Variants in PRPF40B observed in about 807,000 individuals in gnomAD.
The protein encoded by PRPF40B is pre-mRNA processing factor 40B.
A neutral mutation model predicts 124.5 loss-of-function variants in PRPF40B; 56 were observed. The ratio of observed to expected loss-of-function variants is 0.45; its 90% CI spans 0.36 to 0.56. The LOEUF (loss-of-function observed/expected upper bound fraction) is 0.56. PRPF40B is among the 20% of genes least tolerant of loss of function. The pLI, the probability that PRPF40B is intolerant of heterozygous loss-of-function variation, is 0.00. For synonymous variants in PRPF40B, 443 were observed against 426.4 expected (o/e 1.04, Z -0.48); for missense variants, 1,053 against 1,169.5 (o/e 0.90, Z 1.45).
rs1565856813 is a variant in PRPF40B at position 49,643,918 on chromosome 12, A to C, written c.2500A>C (p.Lys834Gln). Residue 834 changes from lysine to glutamine, a missense_variant, in exon 25 of 26, where the codon AAA becomes CAA. This residue lies in a region of PRPF40B where 895 missense variants were observed against 1,052.2 expected (regional missense o/e 0.85). Coordinates refer to ENST00000548825, the MANE Select transcript of PRPF40B (RefSeq NM_001031698.3). ...GAAAGCTGGCAAGGAGAGCGATGAG[A>C]AAGAACAAGAACAGGACAAGGACAG... ...EEKAGKESDE[K>Q]EQEQDKDREL... The C allele has an allele frequency of 6.2e-7, 1 of 1,614,218 alleles. No homozygotes were observed. The highest frequency in any genetic ancestry group is 1.1e-5 in the South Asian group (1 of 91,084).
chr12:49,637,034 C>A, intron 16 of PRPF40B, 185 bp downstream of exon 16: 1 of 897,490 alleles, frequency 1.1e-6, no homozygotes, highest in African/African-American at 1.7e-5. Context: ...CTGGACTGTG[C>A]TCTTCTAGGG....
chr12:49,628,542 A>G (rs1451882460), intron 1 of PRPF40B, among the ~76,000 whole-genome samples: 2 of 148,308 alleles, frequency 1.3e-5, no homozygotes, highest in Non-Finnish European at 3.0e-5. Flanking sequence ...GGCGTGAACC[A>G]CCGCACCAGG....
intron 5 of PRPF40B, 109 bp from the exon 6 acceptor site, chr12:49,632,746 T>C: frequency 1.3e-6 from 2 of 1,597,134 alleles, no homozygotes; most frequent in Non-Finnish European, 1.7e-6. Flanking sequence ...TCTGGGATAT[T>C]GATGGGACCA....
Position 49,635,323 on chromosome 12 carries a change from T to C in PRPF40B, c.1167-42T>C, listed in dbSNP as rs772661061. On this transcript the variant is annotated intron_variant, in intron 13 of 25. Coordinates refer to ENST00000548825, the MANE Select transcript of PRPF40B (RefSeq NM_001031698.3). This position sits in a 1 kb window ranked among gnomAD's most constrained non-coding sequence, Gnocchi z 4.1. ...CCTGAGAACACAAAGGTCCAGGGTC[T>C]CTGTTCTCTGTCTACCTACTCACAG... is the stretch of plus-strand genomic sequence containing the variant. 1 of 1,608,816 alleles carries C rather than the reference T, an allele frequency of 6.2e-7. No homozygotes were observed. The highest frequency in any genetic ancestry group is 1.3e-5 in the African/African-American group (1 of 74,798).
intron 22 of PRPF40B, 63 bp downstream of exon 22, chr12:49,643,079 T>G: frequency 6.3e-7 from 1 of 1,596,844 alleles, no homozygotes; most frequent in Non-Finnish European, 8.6e-7. Flanking sequence ...ATAAACACTT[T>G]GTTTTCCCCT....
Position 49,636,034 on chromosome 12 carries a change from C to G in PRPF40B, c.1426+41C>G. 1.9e-6 allele frequency: 3 copies of G among 1,609,270 alleles called. No homozygotes were observed. The South Asian group carries it at 3.3e-5, about 18-fold the overall frequency. On this transcript the variant is annotated intron_variant, in intron 15 of 25. Transcript: ENST00000548825. ...CAATCCCAGCTATCCCTTTCCCTTTCTTTACTGGACCTGGGACCCCAGAGT... is the reference window on the plus strand; with the variant it reads ...CAATCCCAGCTATCCCTTTCCCTTTGTTTACTGGACCTGGGACCCCAGAGT...
chr12:49,643,489 C>T, intron 23 of PRPF40B, 92 bp downstream of exon 23: 1 of 1,476,274 alleles, frequency 6.8e-7, no homozygotes, highest in Non-Finnish European at 9.1e-7. Context: ...TGAGGGTAGA[C>T]TGGATTGGGA....
chr12:49,634,297 G>C, intron 10 of PRPF40B, 35 bp from the exon 11 acceptor site: 1 of 1,613,838 alleles, frequency 6.2e-7, no homozygotes, highest in Non-Finnish European at 8.5e-7. Flanking sequence ...GTGAGAGCTG[G>C]GGGACCCTGT....
Position 49,642,736 on chromosome 12 carries a change from C to A in PRPF40B, c.2118+61C>A. ...CCTTGAACTCATTAGACCAGTTCAA[C>A]AGAGACCTCAGTGGCCTCCCTCTTA... On this transcript the variant is annotated intron_variant, in intron 21 of 25. Transcript: ENST00000548825. The surrounding 1 kb of genome is among the most constrained non-coding windows in gnomAD (Gnocchi z 5.8). The A allele has an allele frequency of 2.6e-6, 4 of 1,541,760 alleles. No individual in the cohort carries two copies. The highest frequency in any genetic ancestry group is 3.5e-6 in the Non-Finnish European group (4 of 1,130,210).
At chr12:49,626,272 C>T (rs985369223) in intron 1 of PRPF40B, among the ~76,000 whole-genome samples, 1 of 152,188 alleles carries the variant, frequency 6.6e-6, no homozygotes, top group Non-Finnish European at 1.5e-5. Flanking sequence ...TATCACAGCA[C>T]TTTGTGTGCA....
intron 9 of PRPF40B, 30 bp from the exon 10 acceptor site, chr12:49,633,856 C>G: frequency 6.2e-7 from 1 of 1,613,050 alleles, no homozygotes; most frequent in Non-Finnish European, 8.5e-7. Flanking sequence ...TGCTCTCCTC[C>G]TGGACACCGC....
chr12:49,643,567 C>T (rs1942951899), intron 23 of PRPF40B, 124 bp from the exon 24 acceptor site: 5 of 1,371,396 alleles, frequency 3.6e-6, no homozygotes, highest in Non-Finnish European at 4.9e-6. Flanking sequence ...AGAAGGAAAA[C>T]TGGACTTAGA....
rs1941665548 is a variant in PRPF40B at position 49,635,331 on chromosome 12, C to CT, written c.1167-33dup. On this transcript the variant is annotated intron_variant, in intron 13 of 25. Transcript: ENST00000548825. The surrounding 1 kb of genome is among the most constrained non-coding windows in gnomAD (Gnocchi z 4.1). ...CACAAAGGTCCAGGGTCTCTGTTCT[C>CT]TGTCTACCTACTCACAGCTTATATG... 6.2e-7 allele frequency: 1 copy of CT among 1,609,426 alleles called. No individual in the cohort carries two copies. Among genetic ancestry groups the CT allele is most frequent in the Non-Finnish European group, 8.5e-7 (1 of 1,177,796 alleles).
intron 12 of PRPF40B, 30 bp downstream of exon 12, chr12:49,634,632 G>A: frequency 6.2e-7 from 1 of 1,613,600 alleles, no homozygotes. Flanking sequence ...GCCAGGCCCT[G>A]TTCATGAGAG....
intron 16 of PRPF40B, 151 bp downstream of exon 16, chr12:49,637,000 TG>T: frequency 8.7e-7 from 1 of 1,145,610 alleles, no homozygotes. Context: ...GCCTGCAGTC[TG>T]TTTCTGCTGT....
chr12:49,634,978 C>T, intron 12 of PRPF40B, 121 bp from the exon 13 acceptor site: 1 of 1,057,266 alleles, frequency 9.5e-7, no homozygotes, highest in Non-Finnish European at 1.3e-6. Flanking sequence ...GTTCAGATCC[C>T]AGACATCTGT....
At position 49,635,301 on chromosome 12, in the gene PRPF40B, G is replaced by A; in HGVS notation, c.1166+38G>A. 1 of 1,609,662 alleles carries A rather than the reference G, an allele frequency of 6.2e-7. No homozygotes were observed. Among genetic ancestry groups the A allele is most frequent in the Non-Finnish European group, 8.5e-7 (1 of 1,177,758 alleles). On this transcript the variant is annotated intron_variant, in intron 13 of 25. Transcript: ENST00000548825. The surrounding 1 kb of genome is among the most constrained non-coding windows in gnomAD (Gnocchi z 4.1). ...GGCTGGGCTGGGACTTGGGAACCCTGAGAACACAAAGGTCCAGGGTCTCTG... is the reference window on the plus strand; with the variant it reads ...GGCTGGGCTGGGACTTGGGAACCCTAAGAACACAAAGGTCCAGGGTCTCTG...
At position 49,643,370 on chromosome 12, in the gene PRPF40B, T is replaced by A. The variant is rs1430885467; in HGVS notation, c.2353T>A (p.Ser785Thr). Reference sequence around the variant, plus strand: ...GGGTGCTGCCCTTGGAGGACGGGGCTCCCCTTCCTCCCATCTTCTTGGAGC... The same window carrying A: ...GGGTGCTGCCCTTGGAGGACGGGGCACCCCTTCCTCCCATCTTCTTGGAGC... ...SGGAALGGRGSPSSHLLGADH... is the reference protein window; with the variant it reads ...SGGAALGGRGTPSSHLLGADH... The change falls in exon 23 of 26, where the codon TCC becomes ACC. Residue 785 changes from serine to threonine, a missense_variant. This residue lies in a region of PRPF40B where 895 missense variants were observed against 1,052.2 expected (regional missense o/e 0.85). Transcript: ENST00000548825. 2 of 1,572,788 alleles carry A rather than the reference T, an allele frequency of 1.3e-6. No homozygotes were observed.
Position 49,627,092 on chromosome 12 carries a change from T to A in PRPF40B, c.4-3453T>A, listed in dbSNP as rs188533723. 3.3e-5 allele frequency among the ~76,000 whole-genome samples: 5 copies of A among 152,298 alleles called. No homozygotes were observed. In the East Asian group the frequency reaches 9.6e-4, roughly 29 times the overall value. ...CCTAGTTTGTACCCATAGATGGTGG[T>A]AAGGAAAACACAATGGGAACTGGAT... On this transcript the variant is annotated intron_variant, in intron 1 of 25. Coordinates refer to ENST00000548825, the MANE Select transcript of PRPF40B (RefSeq NM_001031698.3).
Sources: gnomAD v4.1 joint callset for allele counts (sites outside exome capture counted in the v4.1 genomes callset) on GRCh38, gnomAD v4.1.1 for gene constraint, gnomAD v4.1.1 regional missense constraint, Gnocchi (gnomAD v3.1) non-coding constraint, MANE v1.5 for transcripts, NCBI Gene and HGNC (gene_info 2026-07-23, HGNC 2026-07-21) for gene names.